POLR2M: variants seen among roughly 807,000 people sequenced by gnomAD.
The protein encoded by POLR2M is RNA polymerase II subunit M.
In POLR2M, 30 loss-of-function variants were observed where a neutral mutation model predicts 34.6. That is an observed-to-expected ratio of 0.87 (90% CI 0.65 to 1.18). The LOEUF (loss-of-function observed/expected upper bound fraction) is 1.18, where lower values mean the gene tolerates loss of function less well. Among genes scored for constraint, POLR2M ranks in the 50% most tolerant of loss-of-function variants. The pLI, the probability that POLR2M is intolerant of heterozygous loss-of-function variation, is 0.00. For missense variants in POLR2M, 432 were observed against 448.7 expected, an observed-to-expected ratio of 0.96 and a Z score of 0.34; for synonymous variants, 150 against 166.7, an observed-to-expected ratio of 0.90 and a Z score of 0.77.
chr15:57,713,619 C>T (rs1266160889), intron 3 of POLR2M, among the ~76,000 whole-genome samples: 1 of 152,084 alleles, frequency 6.6e-6, no homozygotes, highest in Non-Finnish European at 1.5e-5. Context: ...AGTACATTGC[C>T]AGTGTCTGAA....
At position 57,716,815 on chromosome 15, in the gene POLR2M, A is replaced by G. The variant is rs1261945681; in HGVS notation, c.*2136A>G. The G allele has an allele frequency of 6.6e-6, 1 of 152,210 alleles. No individual in the cohort carries two copies. Among genetic ancestry groups the G allele is most frequent in the Admixed American group, 6.5e-5 (1 of 15,276 alleles). The allele number at this position is 152,210 out of a possible 1,614,324, so 9.4% of individuals were successfully genotyped here. The stretch of plus-strand genomic sequence containing the variant: ...TTAACATAGTTTGTGGTATTTCAGT[A>G]TAGAAGTTGTTTTCTTTAGGAGTCT... On this transcript the variant is annotated 3_prime_UTR_variant, in exon 4 of 4. Transcript: ENST00000299638.
At chr15:57,707,536 T>C (rs572806088) in intron 1 of POLR2M, 2 of 468,634 alleles carry the variant, frequency 4.3e-6, no homozygotes, top group Admixed American at 2.3e-5. Context: ...AGTAGAAGGA[T>C]ATTTTCAGAG....
intron 2 of POLR2M, among the ~76,000 whole-genome samples, chr15:57,711,070 T>C (rs2040691755): frequency 6.6e-6 from 1 of 152,210 alleles, no homozygotes; most frequent in Non-Finnish European, 1.5e-5. Context: ...CTCAGCTTAA[T>C]GATGTACAAA....
intron 1 of POLR2M, among the ~76,000 whole-genome samples, chr15:57,708,445 A>G (rs1347843664): frequency 6.6e-6 from 1 of 152,222 alleles, no homozygotes; most frequent in Non-Finnish European, 1.5e-5. Context: ...TGTGATTATT[A>G]TATGCTTAAA....
At chr15:57,709,814 T>G (rs913129804) in intron 2 of POLR2M, among the ~76,000 whole-genome samples, 1 of 152,196 alleles carries the variant, frequency 6.6e-6, no homozygotes, top group Non-Finnish European at 1.5e-5. Flanking sequence ...AGAACCATTT[T>G]TTAGTGTACA....
In POLR2M at chr15:57,717,153, T is replaced by C. The variant is rs1197710308; in HGVS notation, c.*2474T>C. 7.2e-5 allele frequency: 11 copies of C among 152,246 alleles called. No individual in the cohort carries two copies. The East Asian group carries it at 2.1e-3, about 29-fold the overall frequency. 9.4% of individuals were successfully genotyped at this position (152,246 alleles called of 1,614,324 possible). On this transcript the variant is annotated 3_prime_UTR_variant, in exon 4 of 4. Coordinates refer to ENST00000299638, the MANE Select transcript of POLR2M (RefSeq NM_015532.5). ...GCTATTTTTATAGAATATTAAATTCTTATGTGTCTTTTGTGTCTTAGGCCA... is the reference window on the plus strand; with the variant it reads ...GCTATTTTTATAGAATATTAAATTCCTATGTGTCTTTTGTGTCTTAGGCCA...
At chr15:57,707,656 C>T (rs1050650294) in intron 1 of POLR2M, 2 of 400,438 alleles carry the variant, frequency 5.0e-6, no homozygotes, top group Non-Finnish European at 1.0e-5. Context: ...AGTTTCCAAT[C>T]TATATGGAAG....
rs746010328 is a variant in POLR2M at position 57,709,214 on chromosome 15, G to A, written c.614G>A (p.Gly205Asp). Residue 205 changes from glycine to aspartate, a missense_variant, in exon 2 of 4, where the codon GGT (glycine) becomes GAT (aspartate). Gly to Asp is a moderately conservative substitution (Grantham distance 94, BLOSUM62 -1). Coordinates refer to ENST00000299638, the MANE Select transcript of POLR2M (RefSeq NM_015532.5). ...CAGAGGATCACCATTGCGGACCAAG[G>A]TGAACAACAGTCAGAAGAAAACGCA... ...RLQRITIADQGEQQSEENAST... is the reference protein window; with the variant it reads ...RLQRITIADQDEQQSEENAST... 3.0e-5 allele frequency: 49 copies of A among 1,614,170 alleles called. No individual in the cohort carries two copies. Among genetic ancestry groups the A allele is most frequent in the Non-Finnish European group, 3.6e-5 (43 of 1,180,040 alleles).
chr15:57,709,946 G>T (rs2040645070), intron 2 of POLR2M, among the ~76,000 whole-genome samples: 1 of 152,204 alleles, frequency 6.6e-6, no homozygotes, highest in Non-Finnish European at 1.5e-5. Flanking sequence ...CTGTATGTAA[G>T]CAAGCAGCAG....
chr15:57,717,013 A>C lies in POLR2M; in HGVS notation c.*2334A>C, dbSNP rs556572988. ...AGTTTGGGGTGAAAAGGAAATTTTTAATCCATCTCAAATGTATTTGGTTAT... is the reference window on the plus strand; with the variant it reads ...AGTTTGGGGTGAAAAGGAAATTTTTCATCCATCTCAAATGTATTTGGTTAT... On this transcript the variant is annotated 3_prime_UTR_variant, in exon 4 of 4. Coordinates refer to ENST00000299638, the MANE Select transcript of POLR2M (RefSeq NM_015532.5). The C allele has an allele frequency of 1.4e-4, 21 of 152,318 alleles. No homozygotes were observed. The highest frequency in any genetic ancestry group is 1.3e-3 in the Admixed American group (20 of 15,298). 9.4% of individuals were successfully genotyped at this position (152,318 alleles called of 1,614,324 possible). A position where few individuals can be genotyped will look rare whatever the true frequency, so the allele number is the denominator to read the frequency against.
chr15:57,712,959 A>T (rs1457067806), intron 3 of POLR2M, among the ~76,000 whole-genome samples: 1 of 152,158 alleles, frequency 6.6e-6, no homozygotes, highest in Non-Finnish European at 1.5e-5. Flanking sequence ...GTCAGGTACT[A>T]GTGCACCAAC....
intron 2 of POLR2M, 27 bp from the exon 3 acceptor site, chr15:57,711,957 G>A (rs1362855345): frequency 6.2e-7 from 1 of 1,612,938 alleles, no homozygotes; most frequent in East Asian, 2.2e-5. Flanking sequence ...TAATCTGATT[G>A]TATAACACAA....
In POLR2M at chr15:57,713,820, CTTTTTTTTTTTTTTTTTTTTTTTTTTTT is replaced by C. The variant is rs869161314; in HGVS notation, c.964-704_964-677del. On this transcript the variant is annotated intron_variant, in intron 3 of 3. Transcript: ENST00000299638. ...AGAAATCTAGACAGCATTAGTCCTT[CTTTTTTTTTTTTTTTTTTTTTTTTTTTT>C]TTTTTTTTTTTGAGACGGAGTCTTG... Among the ~76,000 whole-genome samples, 96 of 65,640 alleles carry C rather than the reference CTTTTTTTTTTTTTTTTTTTTTTTTTTTT, an allele frequency of 1.5e-3. 2 individuals are homozygous for C. Among genetic ancestry groups the C allele is most frequent in the African/African-American group, 5.6e-3 (94 of 16,796 alleles). The allele number at this position is 65,640 out of a possible 152,430, so 43.1% of individuals were successfully genotyped here. A position where few individuals can be genotyped will look rare whatever the true frequency, so the allele number is the denominator to read the frequency against.
chr15:57,709,133 C>A lies in POLR2M; in HGVS notation c.533C>A (p.Ser178Ter). The change falls in exon 2 of 4, where the codon TCA becomes TAA. Residue 178 changes from serine to a stop codon, truncating the protein, a stop_gained. Coordinates refer to ENST00000299638, the MANE Select transcript of POLR2M (RefSeq NM_015532.5). LOFTEE classifies it high-confidence loss of function. Reference protein sequence around the residue: ...ASEHHPRHRVSSQAEDTSSSF... With the variant: ...ASEHHPRHRV ...GAGCATCACCCGCGGCATCGTGTTT[C>A]AAGTCAAGCGGAAGATACTTCCAGC... The A allele has an allele frequency of 1.2e-6, 2 of 1,614,212 alleles. No homozygotes were observed. Among genetic ancestry groups the A allele is most frequent in the Non-Finnish European group, 8.5e-7 (1 of 1,180,042 alleles).
At position 57,717,103 on chromosome 15, in the gene POLR2M, C is replaced by T. The variant is rs2040977032; in HGVS notation, c.*2424C>T. On this transcript the variant is annotated 3_prime_UTR_variant, in exon 4 of 4. Coordinates refer to ENST00000299638, the MANE Select transcript of POLR2M (RefSeq NM_015532.5). ...TACCAATTGGTTCAGTATGTGAAACCACCATTTCCCCTCTGATTAGTAATG... is the reference window on the plus strand; with the variant it reads ...TACCAATTGGTTCAGTATGTGAAACTACCATTTCCCCTCTGATTAGTAATG... 1 of 152,042 alleles carries T rather than the reference C, an allele frequency of 6.6e-6. No homozygotes were observed. Among genetic ancestry groups the T allele is most frequent in the African/African-American group, 2.4e-5 (1 of 41,398 alleles). 9.4% of individuals were successfully genotyped at this position (152,042 alleles called of 1,614,324 possible). A position where few individuals can be genotyped will look rare whatever the true frequency, so the allele number is the denominator to read the frequency against.
intron 3 of POLR2M, among the ~76,000 whole-genome samples, chr15:57,714,049 G>C (rs922548200): frequency 6.6e-5 from 10 of 151,656 alleles, no homozygotes; most frequent in African/African-American, 2.4e-4. Context: ...GGGATTCATC[G>C]TGTTAGCCAG....
At chr15:57,711,932 T>G in intron 2 of POLR2M, 52 bp from the exon 3 acceptor site, 1 of 1,598,726 alleles carries the variant, frequency 6.3e-7, no homozygotes, top group Non-Finnish European at 8.5e-7. Flanking sequence ...GTTTTAAATG[T>G]GTCTACAAAT....
At chr15:57,709,446 G>T in intron 2 of POLR2M, 88 bp downstream of exon 2, 1 of 1,468,810 alleles carries the variant, frequency 6.8e-7, no homozygotes, top group Non-Finnish European at 9.2e-7. Flanking sequence ...GGTGGTGCTT[G>T]CCTGTAGTCC....
At chr15:57,708,109 G>A (rs745356020) in intron 1 of POLR2M, among the ~76,000 whole-genome samples, 2 of 152,140 alleles carry the variant, frequency 1.3e-5, no homozygotes, top group Non-Finnish European at 2.9e-5. Flanking sequence ...TCAGGACTCC[G>A]TTATACTTTA....
Sources: allele counts gnomAD v4.1 joint callset (sites outside exome capture counted in the v4.1 genomes callset), GRCh38; gene constraint gnomAD v4.1.1; transcripts MANE v1.5; gene names NCBI Gene and HGNC (gene_info 2026-07-23, HGNC 2026-07-21).